PIK3CB: variants seen among roughly 807,000 people sequenced by gnomAD.
PIK3CB encodes phosphatidylinositol 4,5-bisphosphate 3-kinase catalytic subunit beta isoform.
PIK3CB carries 39 observed loss-of-function variants against 136.8 expected under a neutral mutation model. That is an observed-to-expected ratio of 0.29 (90% CI 0.22 to 0.37). The LOEUF is 0.37. Among genes scored for constraint, PIK3CB ranks in the 10% least tolerant of loss-of-function variants. The probability of loss-of-function intolerance (pLI) is 1.00; values close to 1 mark genes in which losing one functional copy is unlikely to be tolerated. For synonymous variants in PIK3CB, 428 were observed against 436.6 expected (o/e 0.98, Z 0.25); for missense variants, 868 against 1,275.4 (o/e 0.68, Z 4.87).
chr3:138,834,194 AT>A (rs1442552394), intron 1 of PIK3CB, among the ~76,000 whole-genome samples: 1 of 152,266 alleles, frequency 6.6e-6, no homozygotes, highest in East Asian at 1.9e-4. Context: ...ACATCAGGAT[AT>A]TTTGGCCCAA....
At chr3:138,767,544 T>A (rs2045748423) in intron 2 of PIK3CB, among the ~76,000 whole-genome samples, 1 of 152,190 alleles carries the variant, frequency 6.6e-6, no homozygotes, top group African/African-American at 2.4e-5. Context: ...CTAGGCTCAG[T>A]CTGCCCACTT....
intron 2 of PIK3CB, among the ~76,000 whole-genome samples, chr3:138,790,022 T>C (rs1014809578): frequency 6.6e-6 from 1 of 152,168 alleles, no homozygotes; most frequent in African/African-American, 2.4e-5. Flanking sequence ...AATTCTACTA[T>C]ATGCTACAAA....
intron 8 of PIK3CB, among the ~76,000 whole-genome samples, chr3:138,729,346 G>T (rs933710901): frequency 1.3e-5 from 2 of 152,052 alleles, no homozygotes; most frequent in African/African-American, 4.8e-5. Context: ...TAGGTCACAG[G>T]GTACCCTGGT....
intron 19 of PIK3CB, among the ~76,000 whole-genome samples, chr3:138,679,907 A>G (rs571084130): frequency 4.0e-5 from 6 of 148,858 alleles, no homozygotes; most frequent in African/African-American, 1.5e-4. Context: ...AGTTCATTTT[A>G]AAAAATGAGA....
Position 138,694,783 on chromosome 3 carries a change from T to C in PIK3CB, c.1892+3A>G, listed in dbSNP as rs746112569. 6.2e-7 allele frequency: 1 copy of C among 1,611,832 alleles called. No homozygotes were observed. Among genetic ancestry groups the C allele is most frequent in the Non-Finnish European group, 8.5e-7 (1 of 1,178,956 alleles). ...CCCAAAGAAAACCACCTGCAGAAGA[T>C]ACCTCATCTGTCGCAGGCAGCCTAC... On this transcript the variant is annotated splice_donor_region_variant and intron_variant, in intron 14 of 23. Coordinates refer to ENST00000674063, the MANE Select transcript of PIK3CB (RefSeq NM_006219.3).
chr3:138,743,611 G>A (rs1327997662), intron 4 of PIK3CB, among the ~76,000 whole-genome samples: 1 of 152,124 alleles, frequency 6.6e-6, no homozygotes, highest in African/African-American at 2.4e-5. Context: ...TACCCAGGCT[G>A]GAGTGCAGTG....
intron 1 of PIK3CB, among the ~76,000 whole-genome samples, chr3:138,814,847 CAA>C (rs1933228387): frequency 6.6e-6 from 1 of 151,724 alleles, no homozygotes; most frequent in African/African-American, 2.4e-5. Context: ...ACAAAAAATA[CAA>C]AAATTTGGCC....
intron 1 of PIK3CB, among the ~76,000 whole-genome samples, chr3:138,820,596 C>G (rs1221249873): frequency 1.3e-5 from 2 of 152,120 alleles, no homozygotes; most frequent in Non-Finnish European, 2.9e-5. Flanking sequence ...GGGGCTTAAG[C>G]AATTCTCCTG....
At chr3:138,823,174 C>A (rs1166675990) in intron 1 of PIK3CB, among the ~76,000 whole-genome samples, 2 of 151,694 alleles carry the variant, frequency 1.3e-5, no homozygotes, top group Non-Finnish European at 2.9e-5. Flanking sequence ...ATGGTCCCAG[C>A]TACTCTGGAG....
In PIK3CB at chr3:138,710,274, T is replaced by G. The variant is rs189125687; in HGVS notation, c.1399+1934A>C. Among the ~76,000 whole-genome samples the G allele has an allele frequency of 9.8e-4, 149 of 152,108 alleles. 3 individuals carry two copies. Among genetic ancestry groups the G allele is most frequent in the Non-Finnish European group, 4.3e-4 (29 of 67,986 alleles). ...CATAATTAGTGAAAACTGTTAGAGG[T>G]ACATGCTGGAGAGGATAGGAATAGA... On this transcript the variant is annotated intron_variant, in intron 10 of 23. Transcript: ENST00000674063.
At chr3:138,807,212 T>G (rs184767264) in intron 1 of PIK3CB, among the ~76,000 whole-genome samples, 4 of 152,166 alleles carry the variant, frequency 2.6e-5, no homozygotes, top group South Asian at 2.1e-4. Context: ...GGCAGGAGAA[T>G]TGCTTGAACT....
At chr3:138,825,230 C>G (rs941590697) in intron 1 of PIK3CB, 12 of 346,810 alleles carry the variant, frequency 3.5e-5, no homozygotes, top group Non-Finnish European at 5.9e-5. Flanking sequence ...CTCAAGAAGA[C>G]AGAGACTTTA....
intron 19 of PIK3CB, among the ~76,000 whole-genome samples, chr3:138,665,841 A>G (rs2043398409): frequency 6.6e-6 from 1 of 152,182 alleles, no homozygotes; most frequent in Non-Finnish European, 1.5e-5. Flanking sequence ...AAGTGCTGGG[A>G]TTACAGGTGT....
chr3:138,799,412 C>A (rs1026484905), intron 1 of PIK3CB, among the ~76,000 whole-genome samples: 4 of 151,920 alleles, frequency 2.6e-5, no homozygotes, highest in African/African-American at 9.7e-5. Flanking sequence ...AACTCCTGAC[C>A]TTGTGATCTG....
intron 1 of PIK3CB, among the ~76,000 whole-genome samples, chr3:138,812,497 A>G (rs2108874757): frequency 6.7e-6 from 1 of 149,706 alleles, no homozygotes; most frequent in Admixed American, 6.7e-5. Flanking sequence ...AGCCTTCCAA[A>G]GTGTTGGGAT....
At position 138,744,392 on chromosome 3, in the gene PIK3CB, C is replaced by CAAA. The variant is rs60503033; in HGVS notation, c.398-1614_398-1612dup. On this transcript the variant is annotated intron_variant, in intron 4 of 23. Coordinates refer to ENST00000674063, the MANE Select transcript of PIK3CB (RefSeq NM_006219.3). Reference sequence around the variant, plus strand: ...ACTGGGTGACAGAGCGAGACTCCCCCAAAAAAAAAAAAAAAAAAAAAAAAA... The same window carrying CAAA: ...ACTGGGTGACAGAGCGAGACTCCCCCAAAAAAAAAAAAAAAAAAAAAAAAAAAA... Among the ~76,000 whole-genome samples, 119 of 45,102 alleles carry CAAA rather than the reference C, an allele frequency of 2.6e-3. 48 individuals are homozygous for CAAA. Among genetic ancestry groups the CAAA allele is most frequent in the African/African-American group, 4.1e-3 (47 of 11,434 alleles). 29.6% of individuals were successfully genotyped at this position (45,102 alleles called of 152,430 possible).
At chr3:138,799,176 CTTTTTTT>C in intron 1 of PIK3CB, among the ~76,000 whole-genome samples, 1 of 130,968 alleles carries the variant, frequency 7.6e-6, no homozygotes. Flanking sequence ...TCAAATCTTA[CTTTTTTT>C]TTTTTTTTTT....
At chr3:138,825,862 T>C (rs1205761497) in intron 1 of PIK3CB, 6 of 1,409,186 alleles carry the variant, frequency 4.3e-6, no homozygotes, top group Admixed American at 1.9e-5. Flanking sequence ...CTGCAGACAA[T>C]GTGGACTTCA....
intron 13 of PIK3CB, among the ~76,000 whole-genome samples, chr3:138,696,394 G>C (rs2044138893): frequency 1.3e-5 from 2 of 151,826 alleles, no homozygotes; most frequent in African/African-American, 4.8e-5. Flanking sequence ...GTCTCGCTAT[G>C]TTGCTGGTCT....
Sources: gnomAD v4.1 joint callset for allele counts (sites outside exome capture counted in the v4.1 genomes callset) on GRCh38, gnomAD v4.1.1 for gene constraint, MANE v1.5 for transcripts, NCBI Gene and HGNC (gene_info 2026-07-23, HGNC 2026-07-21) for gene names.